Variants in THADA observed in about 807,000 individuals in gnomAD.
THADA encodes the protein THADA armadillo repeat containing, also known as tRNA (32-2'-O)-methyltransferase regulator THADA.
In THADA, 213 loss-of-function variants were observed where a neutral mutation model predicts 219.8. The observed-to-expected ratio is 0.97, with a 90% CI of 0.87 to 1.09. THADA has a LOEUF of 1.09. THADA is among the 50% of genes least tolerant of loss of function. THADA has a pLI of 0.00. For synonymous variants in THADA, 1,018 were observed against 828.9 expected (o/e 1.23, Z -3.92); for missense variants, 2,956 against 2,311.3 (o/e 1.28, Z -5.72).
At chr2:43,515,494 A>AAAC (rs1033187705) in intron 22 of THADA, among the ~76,000 whole-genome samples, 35 of 143,426 alleles carry the variant, frequency 2.4e-4, no homozygotes, top group African/African-American at 8.6e-4. Flanking sequence ...AATTTACCCA[A>AAAC]AACAGTATAC....
At chr2:43,573,065 T>G in intron 11 of THADA, 73 bp from the exon 12 acceptor site, 3 of 1,200,592 alleles carry the variant, frequency 2.5e-6, no homozygotes, top group Non-Finnish European at 3.4e-6. Flanking sequence ...CTAATTTTCA[T>G]GTTTCCAATT....
intron 26 of THADA, among the ~76,000 whole-genome samples, chr2:43,432,135 C>T (rs556214115): frequency 7.0e-6 from 1 of 142,356 alleles, no homozygotes; most frequent in Non-Finnish European, 1.5e-5. Flanking sequence ...GGATTACAGG[C>T]GTGAGCCACC....
intron 34 of THADA, among the ~76,000 whole-genome samples, chr2:43,290,000 G>C (rs1034284842): frequency 2.7e-5 from 4 of 146,456 alleles, no homozygotes; most frequent in Admixed American, 6.8e-5. Flanking sequence ...TTTTGAGACA[G>C]GGTCTTGCTC....
At chr2:43,540,487 A>T (rs2103809828) in intron 21 of THADA, among the ~76,000 whole-genome samples, 1 of 152,362 alleles carries the variant, frequency 6.6e-6, no homozygotes, top group Non-Finnish European at 1.5e-5. Context: ...TTATTTTTAA[A>T]AAGTTAAAAA....
intron 21 of THADA, among the ~76,000 whole-genome samples, chr2:43,539,922 T>C (rs1695088870): frequency 6.6e-6 from 1 of 152,120 alleles, no homozygotes; most frequent in Non-Finnish European, 1.5e-5. Flanking sequence ...GGCAAAATAA[T>C]GTTCATAGGA....
intron 36 of THADA, among the ~76,000 whole-genome samples, chr2:43,241,079 C>T (rs1258066811): frequency 6.6e-6 from 1 of 152,096 alleles, no homozygotes; most frequent in South Asian, 2.1e-4. Context: ...CCAGGTGGAC[C>T]CCTCTTCCTT....
intron 31 of THADA, among the ~76,000 whole-genome samples, chr2:43,296,588 T>C (rs1304765782): frequency 6.6e-6 from 1 of 152,160 alleles, no homozygotes; most frequent in African/African-American, 2.4e-5. Context: ...GCAGTATCTT[T>C]ATAAAGCAGT....
intron 14 of THADA, 88 bp downstream of exon 14, chr2:43,570,300 G>A (rs1699147585): frequency 4.6e-6 from 6 of 1,292,790 alleles, no homozygotes; most frequent in Non-Finnish European, 6.3e-6. Flanking sequence ...AATTTACCAA[G>A]AGACTTCCAT....
At chr2:43,473,747 T>C (rs1366944678) in intron 26 of THADA, among the ~76,000 whole-genome samples, 1 of 152,052 alleles carries the variant, frequency 6.6e-6, no homozygotes, top group Non-Finnish European at 1.5e-5. Flanking sequence ...TAGCTGGGAT[T>C]ACAGGCGCCT....
chr2:43,292,067 T>A, intron 33 of THADA, 37 bp downstream of exon 33: 1 of 1,414,346 alleles, frequency 7.1e-7, no homozygotes, highest in Non-Finnish European at 9.7e-7. Context: ...GGACCATACA[T>A]CTTACCAAGG....
chr2:43,453,986 C>T (rs1244352368), intron 26 of THADA, among the ~76,000 whole-genome samples: 1 of 152,138 alleles, frequency 6.6e-6, no homozygotes, highest in Non-Finnish European at 1.5e-5. Context: ...TCAAGTGATC[C>T]TTCTGGCTCA....
intron 36 of THADA, among the ~76,000 whole-genome samples, chr2:43,257,622 G>GC (rs1339411904): frequency 6.6e-6 from 1 of 152,230 alleles, no homozygotes; most frequent in East Asian, 1.9e-4. Flanking sequence ...GATATGGAAG[G>GC]CCTTTCTCTC....
chr2:43,316,921 C>T (rs1353692229), intron 31 of THADA, among the ~76,000 whole-genome samples: 2 of 152,136 alleles, frequency 1.3e-5, no homozygotes, highest in East Asian at 3.8e-4. Flanking sequence ...GAGTGAAACT[C>T]CATGTCAACA....
intron 7 of THADA, among the ~76,000 whole-genome samples, chr2:43,584,737 T>A (rs1003711799): frequency 2.0e-5 from 3 of 152,128 alleles, no homozygotes; most frequent in African/African-American, 7.2e-5. Flanking sequence ...CAGAAGCCAT[T>A]TGATTTGTAG....
chr2:43,528,454 T>C (rs1389098018), intron 21 of THADA, among the ~76,000 whole-genome samples: 3 of 152,258 alleles, frequency 2.0e-5, no homozygotes, highest in African/African-American at 4.8e-5. Flanking sequence ...TTTTTAACAA[T>C]AGCTCATCTA....
chr2:43,286,135 C>T lies in THADA; in HGVS notation c.5164+773G>A, dbSNP rs543433070. The stretch of plus-strand genomic sequence containing the variant: ...CCTCCCAGAAGAGGGGACAGTTAGG[C>T]TGTTTTGAAAGACAAATAGAAGTCA... On this transcript the variant is annotated intron_variant, in intron 35 of 37. Transcript: ENST00000405975. 5.9e-5 allele frequency among the ~76,000 whole-genome samples: 9 copies of T among 152,298 alleles called. No individual in the cohort carries two copies. In the South Asian group the frequency reaches 1.0e-3, roughly 18 times the overall value.
chr2:43,441,098 T>C (rs1038504448), intron 26 of THADA, among the ~76,000 whole-genome samples: 10 of 152,226 alleles, frequency 6.6e-5, no homozygotes, highest in African/African-American at 2.4e-4. Context: ...ACTGTTAAAA[T>C]TATTGTGGCC....
At chr2:43,289,478 C>A (rs1430611609) in intron 34 of THADA, among the ~76,000 whole-genome samples, 2 of 152,206 alleles carry the variant, frequency 1.3e-5, no homozygotes, top group Non-Finnish European at 2.9e-5. Context: ...TTATTTCTCT[C>A]CAGTTCTGTT....
At chr2:43,322,137 G>A (rs1476301355) in intron 30 of THADA, among the ~76,000 whole-genome samples, 10 of 151,830 alleles carry the variant, frequency 6.6e-5, no homozygotes, top group African/African-American at 2.2e-4. Flanking sequence ...CTGAATTCGT[G>A]ATTATCCTGC....
Sources: allele counts gnomAD v4.1 joint callset (sites outside exome capture counted in the v4.1 genomes callset), GRCh38; gene constraint gnomAD v4.1.1; transcripts MANE v1.5; gene names NCBI Gene and HGNC (gene_info 2026-07-23, HGNC 2026-07-21).